PDPN: variants seen among roughly 807,000 people sequenced by gnomAD.
The protein encoded by PDPN is podoplanin, also known as PA2.26 antigen.
In PDPN, 12 loss-of-function variants were observed where a neutral mutation model predicts 23.2. The ratio of observed to expected loss-of-function variants is 0.52; its 90% confidence interval spans 0.33 to 0.84. PDPN has a LOEUF of 0.84. Among genes scored for constraint, PDPN ranks in the 40% least tolerant of loss-of-function variants. The probability of loss-of-function intolerance (pLI) is 0.02; values close to 1 mark genes in which losing one functional copy is unlikely to be tolerated. For synonymous variants in PDPN, 77 were observed against 76.7 expected (o/e 1.00, Z -0.02); for missense variants, 199 against 212.2 (o/e 0.94, Z 0.39).
chr1:13,597,425 T>C (rs1640525351), intron 1 of PDPN, among the ~76,000 whole-genome samples: 1 of 152,190 alleles, frequency 6.6e-6, no homozygotes, highest in African/African-American at 2.4e-5. Context: ...TTGTATCTTG[T>C]TTACTTTAAA....
intron 1 of PDPN, chr1:13,595,804 C>A (rs548112847): frequency 2.6e-6 from 3 of 1,172,986 alleles, no homozygotes; most frequent in Admixed American, 4.6e-5. Context: ...CTATCTTCAG[C>A]TATGCCGTCT....
chr1:13,594,749 G>A (rs1226705240), intron 1 of PDPN, among the ~76,000 whole-genome samples: 1 of 152,058 alleles, frequency 6.6e-6, no homozygotes. Context: ...CACTTTGGGA[G>A]GCCGAGGTGG....
At chr1:13,600,114 G>A (rs1401203519) in intron 1 of PDPN, among the ~76,000 whole-genome samples, 1 of 152,166 alleles carries the variant, frequency 6.6e-6, no homozygotes, top group African/African-American at 2.4e-5. Flanking sequence ...AGGCAGTGAG[G>A]TACCAGGGGA....
chr1:13,599,614 C>T (rs1640591975), intron 1 of PDPN, among the ~76,000 whole-genome samples: 1 of 151,834 alleles, frequency 6.6e-6, no homozygotes, highest in African/African-American at 2.4e-5. Flanking sequence ...AAACTCCCGA[C>T]CTCAAGTGAT....
At chr1:13,606,478 CTTAAAA>C (rs1187683435) in intron 1 of PDPN, among the ~76,000 whole-genome samples, 1 of 152,108 alleles carries the variant, frequency 6.6e-6, no homozygotes, top group African/African-American at 2.4e-5. Flanking sequence ...GAACAGCAGT[CTTAAAA>C]TTAAATGGAG....
chr1:13,611,772 G>T (rs1460876857), intron 3 of PDPN, among the ~76,000 whole-genome samples: 1 of 152,050 alleles, frequency 6.6e-6, no homozygotes, highest in African/African-American at 2.4e-5. Flanking sequence ...GGAGTGGGGG[G>T]AACCTTATAA....
rs563565074 is a variant in PDPN at position 13,607,192 on chromosome 1, A to C, written c.87A>C (p.Glu29Asp). ...LAEGASTGQPEDDTETTGLEG... is the reference protein window; with the variant it reads ...LAEGASTGQPDDDTETTGLEG... ...CTTCAGCCAGCACAGGCCAGCCAGA[A>C]GATGACACTGAGACTACAGGTTTGG... Residue 29 changes from glutamate (E) to aspartate (D), a missense_variant, in exon 2 of 6, where the codon GAA (glutamate) becomes GAC (aspartate). Coordinates refer to ENST00000621990, the MANE Select transcript of PDPN (RefSeq NM_006474.5). The C allele has an allele frequency of 6.2e-7, 1 of 1,614,074 alleles. No individual in the cohort carries two copies. Among genetic ancestry groups the C allele is most frequent in the African/African-American group, 1.3e-5 (1 of 75,058 alleles).
At chr1:13,613,631 A>T in intron 3 of PDPN, 56 bp from the exon 4 acceptor site, 1 of 868,086 alleles carries the variant, frequency 1.2e-6, no homozygotes. Context: ...GCCAGTTGTT[A>T]AATTATAGTT....
intron 3 of PDPN, among the ~76,000 whole-genome samples, chr1:13,610,823 T>TGACACCCA (rs1212053749): frequency 1.3e-5 from 2 of 152,202 alleles, no homozygotes; most frequent in Non-Finnish European, 2.9e-5. Context: ...AACTTTGTGT[T>TGACACCCA]GACACCCAAG....
At position 13,594,437 on chromosome 1, in the gene PDPN, A is replaced by T. The variant is rs187475631; in HGVS notation, c.67+10337A>T. ...CCCTCCTCAATAATCTACAGAAGCC[A>T]CCATCTAGGGCAGCTCAGTCTACTC... On this transcript the variant is annotated intron_variant, in intron 1 of 5. Coordinates refer to ENST00000621990, the MANE Select transcript of PDPN (RefSeq NM_006474.5). Among the ~76,000 whole-genome samples, 47 of 152,288 alleles carry T rather than the reference A, an allele frequency of 3.1e-4. No individual in the cohort carries two copies. In the East Asian group the frequency reaches 8.9e-3, roughly 29 times the overall value.
chr1:13,584,494 G>A (rs1038032793), intron 1 of PDPN, among the ~76,000 whole-genome samples: 2 of 152,240 alleles, frequency 1.3e-5, no homozygotes, highest in African/African-American at 4.8e-5. Flanking sequence ...CTCGGGAGAA[G>A]CTGGCCTCGT....
Position 13,615,994 on chromosome 1 carries a change from GAGA to G in PDPN, c.*87_*89del, listed in dbSNP as rs1641063549. The stretch of plus-strand genomic sequence containing the variant: ...CTGTGCCCTGTCCCTGAGCTCGTGG[GAGA>G]AGATGACCCGTGGAACACTTGCCTG... On this transcript the variant is annotated 3_prime_UTR_variant, in exon 6 of 6. Transcript: ENST00000621990. 1 of 1,326,736 alleles carries G rather than the reference GAGA, an allele frequency of 7.5e-7. No individual in the cohort carries two copies. The allele number at this position is 1,326,736 out of a possible 1,614,324, so 82.2% of individuals were successfully genotyped here.
At chr1:13,596,068 AG>A (rs1299780921) in intron 1 of PDPN, 1 of 344,810 alleles carries the variant, frequency 2.9e-6, no homozygotes, top group African/African-American at 2.2e-5. Flanking sequence ...ACATGGTGGC[AG>A]GTGCCTGTAA....
At chr1:13,599,256 G>C (rs563178473) in intron 1 of PDPN, among the ~76,000 whole-genome samples, 1 of 151,526 alleles carries the variant, frequency 6.6e-6, no homozygotes, top group Non-Finnish European at 1.5e-5. Flanking sequence ...TGATCCACCT[G>C]CATCAGCCTC....
intron 1 of PDPN, among the ~76,000 whole-genome samples, chr1:13,597,003 G>A (rs1640514951): frequency 1.3e-5 from 2 of 152,108 alleles, no homozygotes; most frequent in Non-Finnish European, 2.9e-5. Context: ...AGGCTTCTGG[G>A]CTCAGTTTTG....
chr1:13,612,996 TTA>T (rs148261031), intron 3 of PDPN, among the ~76,000 whole-genome samples: 23,260 of 149,610 alleles, frequency 0.16, 2,286 homozygotes, highest in Admixed American at 0.23. Context: ...AAAGACATTT[TTA>T]TTTTTAAATA....
At chr1:13,585,162 A>C (rs1253966928) in intron 1 of PDPN, among the ~76,000 whole-genome samples, 1 of 152,166 alleles carries the variant, frequency 6.6e-6, no homozygotes, top group East Asian at 1.9e-4. Context: ...TATGCTGTGA[A>C]AAGTAAACAT....
At position 13,584,240 on chromosome 1, in the gene PDPN, G is replaced by A. The variant is rs935163338; in HGVS notation, c.67+140G>A. The A allele has an allele frequency of 6.8e-5, 103 of 1,522,624 alleles. No individual in the cohort carries two copies. In the African/African-American group the frequency reaches 1.3e-3, roughly 20 times the overall value. 94.3% of individuals were successfully genotyped at this position (1,522,624 alleles called of 1,614,324 possible). ...GAGGGTGTGTGCGTGTCAGGCGGCT[G>A]AGCGCCGGAGGAGGAGAGGCAGCGG... On this transcript the variant is annotated intron_variant, in intron 1 of 5. Coordinates refer to ENST00000621990, the MANE Select transcript of PDPN (RefSeq NM_006474.5).
intron 1 of PDPN, among the ~76,000 whole-genome samples, chr1:13,592,543 ATTTTTTT>A (rs34176163): frequency 1.5e-4 from 16 of 105,062 alleles, no homozygotes; most frequent in African/African-American, 2.2e-4. Context: ...TGAAAAGATG[ATTTTTTT>A]TTTTTTTTTT....
Sources: allele counts gnomAD v4.1 joint callset (sites outside exome capture counted in the v4.1 genomes callset), GRCh38; gene constraint gnomAD v4.1.1; transcripts MANE v1.5; gene names NCBI Gene and HGNC (gene_info 2026-07-23, HGNC 2026-07-21).